The following XPNPEP3 variants were observed in gnomAD, a reference collection of about 807,000 sequenced individuals.
The protein encoded by XPNPEP3 is xaa-Pro aminopeptidase 3.
In XPNPEP3, 41 loss-of-function variants were observed where a neutral mutation model predicts 60.0. The ratio of observed to expected loss-of-function variants is 0.68; its 90% confidence interval spans 0.53 to 0.89. The LOEUF (loss-of-function observed/expected upper bound fraction) is 0.89, where lower values mean the gene tolerates loss of function less well. XPNPEP3 is among the 40% of genes least tolerant of loss of function. The probability of loss-of-function intolerance (pLI) is 0.00; values close to 1 mark genes in which losing one functional copy is unlikely to be tolerated. For synonymous variants in XPNPEP3, 212 were observed against 223.2 expected, an observed-to-expected ratio of 0.95 and a Z score of 0.45; for missense variants, 598 against 638.9, an observed-to-expected ratio of 0.94 and a Z score of 0.69.
chr22:40,862,642 G>A (rs1051280065), intron 1 of XPNPEP3: 1 of 985,348 alleles, frequency 1.0e-6, no homozygotes, highest in Non-Finnish European at 1.2e-6. Flanking sequence ...GCCTCTTGGA[G>A]GAAGTAGCCT....
In XPNPEP3 at chr22:40,897,249, C is replaced by T. The variant is rs190737315; in HGVS notation, c.793-10338C>T. Among the ~76,000 whole-genome samples, 1,135 of 152,036 alleles carry T rather than the reference C, an allele frequency of 7.5e-3. 4 individuals carry two copies. Among genetic ancestry groups the T allele is most frequent in the Non-Finnish European group, 0.012 (839 of 67,962 alleles). Reference sequence around the variant, plus strand: ...TTCACTGTGTTAGCCAGGATGGTCTCGATCTCCTGACCTCGTGATCTGCCC... The same window carrying T: ...TTCACTGTGTTAGCCAGGATGGTCTTGATCTCCTGACCTCGTGATCTGCCC... On this transcript the variant is annotated intron_variant, in intron 4 of 9. Coordinates refer to ENST00000357137, the MANE Select transcript of XPNPEP3 (RefSeq NM_022098.4).
At chr22:40,877,506 C>T (rs1342926792) in intron 2 of XPNPEP3, among the ~76,000 whole-genome samples, 1 of 152,132 alleles carries the variant, frequency 6.6e-6, no homozygotes, top group Non-Finnish European at 1.5e-5. Context: ...ATATGAAGAA[C>T]ATTATTGCTT....
chr22:40,922,270 G>A, intron 7 of XPNPEP3, 63 bp from the exon 8 acceptor site: 1 of 1,598,738 alleles, frequency 6.3e-7, no homozygotes, highest in South Asian at 1.1e-5. Context: ...ATCAAACTTA[G>A]TAGCAAACTT....
chr22:40,861,141 CCTG>C (rs2057942843), intron 1 of XPNPEP3: 1 of 1,614,044 alleles, frequency 6.2e-7, no homozygotes, highest in Non-Finnish European at 8.5e-7. Context: ...CTCTTTGACT[CCTG>C]CTGAGAAAAT....
intron 1 of XPNPEP3, among the ~76,000 whole-genome samples, chr22:40,865,162 T>C (rs1381657864): frequency 3.9e-5 from 6 of 152,152 alleles, no homozygotes; most frequent in African/African-American, 1.4e-4. Context: ...GTCTTTGCTT[T>C]CTTACATCCT....
In XPNPEP3 at chr22:40,927,392, T is replaced by A. The variant is rs2058238092; in HGVS notation, c.*957T>A. 2 of 152,262 alleles carry A rather than the reference T, an allele frequency of 1.3e-5. No individual in the cohort carries two copies. Among genetic ancestry groups the A allele is most frequent in the Admixed American group, 6.6e-5 (1 of 15,260 alleles). 9.4% of individuals were successfully genotyped at this position (152,262 alleles called of 1,614,324 possible). On this transcript the variant is annotated 3_prime_UTR_variant, in exon 10 of 10. Transcript: ENST00000357137. ...GGGAGGCTGAGGCATGAGAATTGCT[T>A]GAACCTGGGAGGTGGAGGTTGCAGT... is the stretch of plus-strand genomic sequence containing the variant.
At chr22:40,906,153 C>G (rs2058154627) in intron 4 of XPNPEP3, among the ~76,000 whole-genome samples, 7 of 152,182 alleles carry the variant, frequency 4.6e-5, no homozygotes, top group Admixed American at 4.6e-4. Context: ...GTTGCCCAGG[C>G]TGGTCTCGAG....
intron 4 of XPNPEP3, among the ~76,000 whole-genome samples, chr22:40,887,844 A>G (rs938285703): frequency 2.0e-5 from 3 of 151,754 alleles, no homozygotes; most frequent in Admixed American, 6.6e-5. Flanking sequence ...CATAAATCTC[A>G]CTGGCAAACT....
At chr22:40,861,921 TTATGA>T (rs760484504) in intron 1 of XPNPEP3, 1 of 1,613,648 alleles carries the variant, frequency 6.2e-7, no homozygotes, top group Non-Finnish European at 8.5e-7. Context: ...AAGTGCCACT[TTATGA>T]TAAGCTTTTT....
rs5995960 is a variant in XPNPEP3, at chr22:40,899,085, G to T, written c.793-8502G>T. 5.8e-3 allele frequency among the ~76,000 whole-genome samples: 879 copies of T among 152,248 alleles called. 9 individuals are homozygous for T. The highest frequency in any genetic ancestry group is 0.02 in the African/African-American group (824 of 41,528). ...GGAACCATTTTTAAAGAGTTCCTCA[G>T]GGTATTGCATGTAATAGTCTAGAAA... On this transcript the variant is annotated intron_variant, in intron 4 of 9. Coordinates refer to ENST00000357137, the MANE Select transcript of XPNPEP3 (RefSeq NM_022098.4).
At chr22:40,892,402 G>A (rs1260894998) in intron 4 of XPNPEP3, among the ~76,000 whole-genome samples, 3 of 152,228 alleles carry the variant, frequency 2.0e-5, no homozygotes, top group South Asian at 2.1e-4. Flanking sequence ...GGCCAGGATG[G>A]TCTCAATCTC....
intron 7 of XPNPEP3, among the ~76,000 whole-genome samples, chr22:40,916,300 G>C (rs1256339348): frequency 7.3e-6 from 1 of 137,458 alleles, no homozygotes; most frequent in Non-Finnish European, 1.6e-5. Context: ...TCAAACAAAG[G>C]AAAAAAAAAA....
At chr22:40,881,677 A>AT (rs2058048616) in intron 2 of XPNPEP3, 93 bp from the exon 3 acceptor site, 3 of 1,437,472 alleles carry the variant, frequency 2.1e-6, no homozygotes, top group African/African-American at 1.4e-5. Context: ...AAATTGAACA[A>AT]TTGGACTTGA....
chr22:40,870,215 T>A (rs2057998460), intron 2 of XPNPEP3: 1 of 300,902 alleles, frequency 3.3e-6, no homozygotes, highest in Non-Finnish European at 6.9e-6. Context: ...AGACTCGAGT[T>A]ATTTTTTTAA....
rs1252582018 is a variant in XPNPEP3 at position 40,888,636 on chromosome 22, C to CTT, written c.792+2134_792+2135dup. On this transcript the variant is annotated intron_variant, in intron 4 of 9. Coordinates refer to ENST00000357137, the MANE Select transcript of XPNPEP3 (RefSeq NM_022098.4). The stretch of plus-strand genomic sequence containing the variant: ...CCATTGATAAACATTTGGTTTCTAT[C>CTT]TTTTTTTTTTTTTTACTATTGTGAA... Among the ~76,000 whole-genome samples, 21 of 143,208 alleles carry CTT rather than the reference C, an allele frequency of 1.5e-4. 1 individual carries two copies. In the South Asian group the frequency reaches 2.2e-3, roughly 15 times the overall value. The allele number at this position is 143,208 out of a possible 152,430, so 94.0% of individuals were successfully genotyped here.
At chr22:40,902,820 C>T (rs908348467) in intron 4 of XPNPEP3, among the ~76,000 whole-genome samples, 4 of 152,210 alleles carry the variant, frequency 2.6e-5, no homozygotes, top group Non-Finnish European at 5.9e-5. Context: ...ATATGTATCA[C>T]AGCCTGTGGC....
intron 4 of XPNPEP3, among the ~76,000 whole-genome samples, chr22:40,888,926 A>G (rs1232636514): frequency 6.6e-6 from 1 of 151,972 alleles, no homozygotes; most frequent in South Asian, 2.1e-4. Flanking sequence ...GTGAAGTGGT[A>G]TCTTACTGTG....
At chr22:40,873,098 CTTTTTTTTTTTTTTT>C (rs138353) in intron 2 of XPNPEP3, among the ~76,000 whole-genome samples, 2 of 88,504 alleles carry the variant, frequency 2.3e-5, no homozygotes, top group African/African-American at 4.4e-5. Context: ...TTTTCTTTTT[CTTTTTTTTTTTTTTT>C]TTTTTTTTTT....
chr22:40,891,606 T>C (rs2058088845), intron 4 of XPNPEP3, among the ~76,000 whole-genome samples: 1 of 150,204 alleles, frequency 6.7e-6, no homozygotes, highest in Non-Finnish European at 1.5e-5. Context: ...TGAGCAGAGA[T>C]CGCACCACTG....
Sources: allele counts gnomAD v4.1 joint callset (sites outside exome capture counted in the v4.1 genomes callset), GRCh38; gene constraint gnomAD v4.1.1; transcripts MANE v1.5; gene names NCBI Gene and HGNC (gene_info 2026-07-23, HGNC 2026-07-21).